MGMT: variants seen among roughly 807,000 people sequenced by gnomAD.
The protein encoded by MGMT is methylated-DNA--protein-cysteine methyltransferase.
A neutral mutation model predicts 15.9 loss-of-function variants in MGMT; 14 were observed. That is an observed-to-expected ratio of 0.88 (90% CI 0.58 to 1.37). The LOEUF (loss-of-function observed/expected upper bound fraction) is 1.37, where lower values mean the gene tolerates loss of function less well. Among genes scored for constraint, MGMT ranks in the 40% most tolerant of loss-of-function variants. The pLI is 0.00. For synonymous variants in MGMT, 130 were observed against 118.2 expected (o/e 1.10, Z -0.65); for missense variants, 282 against 268.1 (o/e 1.05, Z -0.36).
intron 3 of MGMT, among the ~76,000 whole-genome samples, chr10:129,722,384 A>C (rs1345182067): frequency 6.6e-6 from 1 of 152,202 alleles, no homozygotes; most frequent in Non-Finnish European, 1.5e-5. Context: ...ATTAAAGAAG[A>C]CCTAAGTAAA....
chr10:129,542,860 C>T (rs766185767), intron 2 of MGMT, among the ~76,000 whole-genome samples: 1 of 152,164 alleles, frequency 6.6e-6, no homozygotes, highest in East Asian at 1.9e-4. Context: ...ACGGATGTTG[C>T]CTCCCGTTTC....
At chr10:129,692,254 G>GTCAGGAA (rs1490530515) in intron 2 of MGMT, among the ~76,000 whole-genome samples, 1 of 152,314 alleles carries the variant, frequency 6.6e-6, no homozygotes, top group East Asian at 1.9e-4. Flanking sequence ...GCAGAGAGTG[G>GTCAGGAA]TCAGGAATCA....
At chr10:129,716,617 C>T (rs768594901) in intron 3 of MGMT, among the ~76,000 whole-genome samples, 1 of 152,202 alleles carries the variant, frequency 6.6e-6, no homozygotes, top group Non-Finnish European at 1.5e-5. Flanking sequence ...ATAGAAAATT[C>T]GCGTCTCTTC....
intron 1 of MGMT, among the ~76,000 whole-genome samples, chr10:129,521,707 TC>T (rs1442760477): frequency 6.6e-6 from 1 of 152,134 alleles, no homozygotes; most frequent in East Asian, 1.9e-4. Flanking sequence ...GGGGTCTCCA[TC>T]CGCCCACAGT....
intron 2 of MGMT, among the ~76,000 whole-genome samples, chr10:129,587,998 C>T (rs1846637283): frequency 6.6e-6 from 1 of 152,082 alleles, no homozygotes. Flanking sequence ...AGGTAAGTTA[C>T]GTGGAAATAG....
intron 2 of MGMT, among the ~76,000 whole-genome samples, chr10:129,597,113 T>C (rs1846760171): frequency 6.6e-6 from 1 of 152,200 alleles, no homozygotes; most frequent in Non-Finnish European, 1.5e-5. Flanking sequence ...CTTTCTTTTG[T>C]GAGCAGCAGA....
chr10:129,763,029 A>G (rs945178069), intron 4 of MGMT, among the ~76,000 whole-genome samples: 3 of 152,208 alleles, frequency 2.0e-5, no homozygotes, highest in African/African-American at 7.2e-5. Context: ...TACCAGAATC[A>G]GAGGGATTCC....
intron 2 of MGMT, among the ~76,000 whole-genome samples, chr10:129,644,145 G>A (rs778382906): frequency 4.6e-5 from 7 of 152,122 alleles, no homozygotes; most frequent in Non-Finnish European, 8.8e-5. Context: ...ATTTTAGGGG[G>A]TTATGGTCTA....
At chr10:129,522,539 A>G (rs1339672946) in intron 1 of MGMT, among the ~76,000 whole-genome samples, 8 of 152,228 alleles carry the variant, frequency 5.3e-5, no homozygotes, top group Non-Finnish European at 4.4e-5. Context: ...GACACACATT[A>G]TGGTGAATCC....
rs370264658 is a variant in MGMT, at chr10:129,528,819, T to C, written c.-12-7422T>C. On this transcript the variant is annotated intron_variant, in intron 1 of 4. Coordinates refer to ENST00000651593, the MANE Select transcript of MGMT (RefSeq NM_002412.5). The stretch of plus-strand genomic sequence containing the variant: ...TCAAGGAAGGAAGGGTAGGGGATGG[T>C]GCCATCTGACTTTAGAAAAAGTATA... 5.3e-5 allele frequency among the ~76,000 whole-genome samples: 8 copies of C among 152,174 alleles called. No individual in the cohort carries two copies. In the East Asian group the frequency reaches 1.5e-3, roughly 29 times the overall value.
At chr10:129,710,612 A>G (rs113188416) in intron 3 of MGMT, among the ~76,000 whole-genome samples, 1 of 152,226 alleles carries the variant, frequency 6.6e-6, no homozygotes, top group Non-Finnish European at 1.5e-5. Context: ...GGTTGCTAAC[A>G]GGGAGTTAAT....
At chr10:129,765,827 G>A (rs969935867) in intron 4 of MGMT, among the ~76,000 whole-genome samples, 1 of 152,176 alleles carries the variant, frequency 6.6e-6, no homozygotes, top group Non-Finnish European at 1.5e-5. Flanking sequence ...GTGTGAGAGT[G>A]GAGGAGGCCA....
At chr10:129,754,485 T>C (rs146360322) in intron 3 of MGMT, among the ~76,000 whole-genome samples, 1 of 152,244 alleles carries the variant, frequency 6.6e-6, no homozygotes, top group Non-Finnish European at 1.5e-5. Flanking sequence ...CACCACAGGA[T>C]TGCTTAGGGA....
rs573158956 is a variant in MGMT, at chr10:129,759,225, T to C, written c.298T>C (p.Trp100Arg). ...QQESFTRQVL[W>R]KLLKVVKFGE... is the part of the protein sequence containing the mutation. Reference sequence around the variant, plus strand: ...AGAGTCGTTCACCAGACAGGTGTTATGGAAGCTGCTGAAGGTTGTGAAATT... The same window carrying C: ...AGAGTCGTTCACCAGACAGGTGTTACGGAAGCTGCTGAAGGTTGTGAAATT... Residue 100 changes from tryptophan to arginine, a missense_variant, in exon 4 of 5, where the codon TGG becomes CGG. Physicochemically the swap from Trp to Arg is moderately radical, Grantham distance 101. Transcript: ENST00000651593. 2.5e-5 allele frequency: 41 copies of C among 1,614,102 alleles called. No homozygotes were observed. The highest frequency in any genetic ancestry group is 3.3e-5 in the Non-Finnish European group (39 of 1,180,046).
At chr10:129,562,952 G>A (rs1846297311) in intron 2 of MGMT, among the ~76,000 whole-genome samples, 2 of 152,150 alleles carry the variant, frequency 1.3e-5, no homozygotes, top group Non-Finnish European at 2.9e-5. Flanking sequence ...ACGTGCAGTA[G>A]AAACTGTACC....
intron 1 of MGMT, among the ~76,000 whole-genome samples, chr10:129,470,189 A>G (rs917223410): frequency 6.6e-6 from 1 of 152,080 alleles, no homozygotes; most frequent in Non-Finnish European, 1.5e-5. Flanking sequence ...AGGAGGTTTG[A>G]GCTGTGCAGG....
intron 2 of MGMT, among the ~76,000 whole-genome samples, chr10:129,703,969 G>C (rs1848128562): frequency 6.6e-6 from 1 of 152,080 alleles, no homozygotes; most frequent in South Asian, 2.1e-4. Context: ...ACAGCAGCCA[G>C]CTCTGCATCA....
intron 1 of MGMT, among the ~76,000 whole-genome samples, chr10:129,473,969 G>A (rs1845261013): frequency 6.6e-6 from 1 of 152,196 alleles, no homozygotes; most frequent in African/African-American, 2.4e-5. Flanking sequence ...CTGCAGGCCA[G>A]GGACCCATGC....
chr10:129,596,729 T>C (rs1846755575), intron 2 of MGMT, among the ~76,000 whole-genome samples: 1 of 152,230 alleles, frequency 6.6e-6, no homozygotes, highest in Non-Finnish European at 1.5e-5. Context: ...CTTGAGCATG[T>C]CTCTGGATAT....
Sources: gnomAD v4.1 joint callset for allele counts (sites outside exome capture counted in the v4.1 genomes callset) on GRCh38, gnomAD v4.1.1 for gene constraint, MANE v1.5 for transcripts, NCBI Gene and HGNC (gene_info 2026-07-23, HGNC 2026-07-21) for gene names.